The following PAX8 variants were observed in gnomAD, a reference collection of about 807,000 sequenced individuals.
PAX8 encodes the protein paired box 8.
PAX8 carries 15 observed loss-of-function variants against 52.4 expected under a neutral mutation model. The ratio of observed to expected loss-of-function variants is 0.29; its 90% CI spans 0.19 to 0.44. The LOEUF (loss-of-function observed/expected upper bound fraction) is 0.44, where lower values mean the gene tolerates loss of function less well. Ranked by LOEUF, PAX8 falls within the 20% of genes least tolerant of loss-of-function variation. The pLI is 1.00. For synonymous variants in PAX8, 284 were observed against 249.7 expected (o/e 1.14, Z -1.29); for missense variants, 554 against 602.5 (o/e 0.92, Z 0.84).
At position 113,242,781 on chromosome 2, in the gene PAX8, GTGA is replaced by G; in HGVS notation, c.390-6_390-4del. 1.2e-6 allele frequency: 2 copies of G among 1,611,232 alleles called. No homozygotes were observed. Among genetic ancestry groups the G allele is most frequent in the Non-Finnish European group, 1.7e-6 (2 of 1,177,424 alleles). On this transcript the variant is annotated splice_region_variant and splice_polypyrimidine_tract_variant and intron_variant, in intron 4 of 11. Transcript: ENST00000429538. ...GCTGCACTTTGGTCCGGATGATTCT[GTGA>G]TGAAGAGAAGAAAGGCCATGAGAGA...
intron 9 of PAX8, among the ~76,000 whole-genome samples, chr2:113,229,843 G>A (rs1385429289): frequency 6.6e-6 from 1 of 152,176 alleles, no homozygotes; most frequent in Non-Finnish European, 1.5e-5. Context: ...GGAGCACAGA[G>A]CAGGGACAGG....
At chr2:113,268,948 G>A (rs1315787253) in intron 2 of PAX8, 2 of 152,296 alleles carry the variant, frequency 1.3e-5, no homozygotes, top group East Asian at 3.9e-4. Context: ...ACAGCCCCAT[G>A]GCCAGCAGTG....
At chr2:113,252,675 CTG>C (rs773388726) in intron 2 of PAX8, among the ~76,000 whole-genome samples, 1 of 152,250 alleles carries the variant, frequency 6.6e-6, no homozygotes, top group Non-Finnish European at 1.5e-5. Flanking sequence ...CTAAGGGAAA[CTG>C]TAGCCGAAAG....
chr2:113,241,999 A>G lies in PAX8; in HGVS notation c.601+9T>C. 1 of 1,613,404 alleles carries G rather than the reference A, an allele frequency of 6.2e-7. No individual in the cohort carries two copies. Among genetic ancestry groups the G allele is most frequent in the Non-Finnish European group, 8.5e-7 (1 of 1,179,686 alleles). On this transcript the variant is annotated intron_variant, in intron 6 of 11. Coordinates refer to ENST00000429538, the MANE Select transcript of PAX8 (RefSeq NM_003466.4). ...GCACCGCCCGCTGCCCTCCTGTCCC[A>G]GCACTCACTGTCATCCATTTTCCTC...
chr2:113,238,847 C>G (rs1690578814), intron 7 of PAX8: 1 of 152,050 alleles, frequency 6.6e-6, no homozygotes, highest in Non-Finnish European at 1.5e-5. Flanking sequence ...CAGCAGATGC[C>G]CAATGAGAGT....
In PAX8 at chr2:113,270,432, G is replaced by A. The variant is rs373671784; in HGVS notation, c.25+7938C>T. On this transcript the variant is annotated intron_variant, in intron 2 of 11. Transcript: ENST00000429538. ...ACTAAGTTCACACAAAAACAGCAAGGTCTGGGCCAAGATGGAAGCCCGGGC... is the reference window on the plus strand; with the variant it reads ...ACTAAGTTCACACAAAAACAGCAAGATCTGGGCCAAGATGGAAGCCCGGGC... 5.3e-5 allele frequency: 8 copies of A among 152,336 alleles called. 1 individual carries two copies. The East Asian group carries it at 1.3e-3, about 26-fold the overall frequency. The allele number at this position is 152,336 out of a possible 1,614,324, so 9.4% of individuals were successfully genotyped here.
chr2:113,235,277 G>A (rs1690182108), intron 9 of PAX8, 117 bp downstream of exon 9: 2 of 839,812 alleles, frequency 2.4e-6, no homozygotes, highest in Non-Finnish European at 3.6e-6. Flanking sequence ...GGAGGAATTA[G>A]GGAACAGGGT....
At chr2:113,233,046 C>T (rs1439944460) in intron 9 of PAX8, among the ~76,000 whole-genome samples, 2 of 143,456 alleles carry the variant, frequency 1.4e-5, no homozygotes, top group Non-Finnish European at 3.1e-5. Flanking sequence ...CCCCTCCCCT[C>T]CCTTCCCTTC....
chr2:113,248,987 G>A (rs1691551998), intron 2 of PAX8, among the ~76,000 whole-genome samples: 1 of 152,162 alleles, frequency 6.6e-6, no homozygotes, highest in Admixed American at 6.5e-5. Context: ...AAAAAGGGAG[G>A]TGGGGGTGCT....
At chr2:113,236,956 TAGAG>T (rs1049123085) in intron 7 of PAX8, 11 of 568,402 alleles carry the variant, frequency 1.9e-5, no homozygotes, top group African/African-American at 1.9e-4. Context: ...AGACGTGGGA[TAGAG>T]AGTCTCAGCC....
chr2:113,252,592 G>A (rs1251448610), intron 2 of PAX8, among the ~76,000 whole-genome samples: 1 of 151,520 alleles, frequency 6.6e-6, no homozygotes, highest in Non-Finnish European at 1.5e-5. Flanking sequence ...CTGGAAAGCA[G>A]CATCCTGCAT....
At chr2:113,244,305 G>T in intron 4 of PAX8, 122 bp downstream of exon 4, 1 of 799,310 alleles carries the variant, frequency 1.3e-6, no homozygotes, top group Admixed American at 1.7e-5. Context: ...CTGCCTGATT[G>T]TTCAGCATCA....
At chr2:113,273,819 G>A (rs901904700) in intron 2 of PAX8, 2 of 151,628 alleles carry the variant, frequency 1.3e-5, no homozygotes, top group African/African-American at 4.9e-5. Flanking sequence ...TAGTGAGGTT[G>A]GTATGTGATA....
At chr2:113,237,198 G>C (rs1690433988) in intron 7 of PAX8, 3 of 156,852 alleles carry the variant, frequency 1.9e-5, no homozygotes, top group Non-Finnish European at 4.2e-5. Context: ...AGATTCGAGG[G>C]ATCAGAATGT....
intron 2 of PAX8, among the ~76,000 whole-genome samples, chr2:113,252,353 C>T (rs115583412): frequency 1.2e-4 from 18 of 152,336 alleles, no homozygotes; most frequent in African/African-American, 4.1e-4. Flanking sequence ...CAGCTGCTCA[C>T]TTGCAGGTCT....
In PAX8 at chr2:113,217,386, A is replaced by T. The variant is rs1689063831; in HGVS notation, c.*1147T>A. The T allele has an allele frequency of 4.4e-6, 1 of 225,938 alleles. No individual in the cohort carries two copies. The highest frequency in any genetic ancestry group is 8.8e-6 in the Non-Finnish European group (1 of 113,292). 14.0% of individuals were successfully genotyped at this position (225,938 alleles called of 1,614,324 possible). A position where few individuals can be genotyped will look rare whatever the true frequency, so the allele number is the denominator to read the frequency against. The stretch of plus-strand genomic sequence containing the variant: ...ATGAAGAGCAATGGTTTATTGAGTC[A>T]TGTGGTAATGGCAGGTTGTCTTTAA... On this transcript the variant is annotated 3_prime_UTR_variant, in exon 12 of 12. Transcript: ENST00000429538.
At chr2:113,242,245 G>A (rs565917315) in intron 5 of PAX8, 115 bp from the exon 6 acceptor site, 2 of 826,392 alleles carry the variant, frequency 2.4e-6, no homozygotes, top group South Asian at 3.2e-5. Context: ...GGGAGAGGGA[G>A]AGGAGCAAGG....
rs1238588923 is a variant in PAX8 at position 113,242,124 on chromosome 2, C to T, written c.485G>A (p.Ser162Asn). 6.8e-6 allele frequency: 11 copies of T among 1,611,434 alleles called. No individual in the cohort carries two copies. Among genetic ancestry groups the T allele is most frequent in the Non-Finnish European group, 9.3e-6 (11 of 1,178,236 alleles). ...SLSPGHTLIP[S>N]SAVTPPESPQ... ...TGACTCCGGGGGAGTTACAGCTGAGCTGGGGACTGCAGTGGGGGAGAGGGA... is the reference window on the plus strand; with the variant it reads ...TGACTCCGGGGGAGTTACAGCTGAGTTGGGGACTGCAGTGGGGGAGAGGGA... Residue 162 changes from serine (S) to asparagine (N), a missense_variant, in exon 6 of 12, where the codon AGC becomes AAC. Transcript: ENST00000429538.
chr2:113,272,735 C>T (rs1156274966), intron 2 of PAX8: 4 of 152,292 alleles, frequency 2.6e-5, no homozygotes, highest in African/African-American at 7.2e-5. Flanking sequence ...TAGCTCCCTC[C>T]CCAGAAGAAC....
Sources: allele counts gnomAD v4.1 joint callset (sites outside exome capture counted in the v4.1 genomes callset), GRCh38; gene constraint gnomAD v4.1.1; transcripts MANE v1.5; gene names NCBI Gene and HGNC (gene_info 2026-07-23, HGNC 2026-07-21).